CEACAM21: variants seen among roughly 807,000 people sequenced by gnomAD.
CEACAM21 encodes CEA cell adhesion molecule 21, also known as cell adhesion molecule CEACAM21.
A neutral mutation model predicts 33.2 loss-of-function variants in CEACAM21; 38 were observed. That is an observed-to-expected ratio of 1.14 (90% confidence interval 0.88 to 1.50). The LOEUF (loss-of-function observed/expected upper bound fraction) is 1.50, where lower values mean the gene tolerates loss of function less well. Among genes scored for constraint, CEACAM21 ranks in the 40% most tolerant of loss-of-function variants. The pLI, the probability that CEACAM21 is intolerant of heterozygous loss-of-function variation, is 0.00. For synonymous variants in CEACAM21, 156 were observed against 143.0 expected, an observed-to-expected ratio of 1.09 and a Z score of -0.65; for missense variants, 385 against 364.6, an observed-to-expected ratio of 1.06 and a Z score of -0.46.
rs185727425 is a variant in CEACAM21, at chr19:41,585,689, C to T, written c.851-151C>T. The stretch of plus-strand genomic sequence containing the variant: ...CCGGGCTCTGGGTCATGGGTCACTT[C>T]CTCAACCTCACTTGCTTACTTGACC... On this transcript the variant is annotated intron_variant, in intron 5 of 6. Coordinates refer to ENST00000401445, the MANE Select transcript of CEACAM21 (RefSeq NM_001098506.4). 1,764 of 1,009,290 alleles carry T rather than the reference C, an allele frequency of 1.7e-3. 8 individuals are homozygous for T. Among genetic ancestry groups the T allele is most frequent in the African/African-American group, 9.5e-3 (589 of 62,228 alleles). The allele number at this position is 1,009,290 out of a possible 1,614,324, so 62.5% of individuals were successfully genotyped here. A position where few individuals can be genotyped will look rare whatever the true frequency, so the allele number is the denominator to read the frequency against.
chr19:41,555,962 G>T (rs2041499366), intron 1 of CEACAM21, among the ~76,000 whole-genome samples: 1 of 152,172 alleles, frequency 6.6e-6, no homozygotes, highest in Non-Finnish European at 1.5e-5. Flanking sequence ...ACAAAGTAAT[G>T]CCTGGTACTC....
At chr19:41,554,697 A>G (rs545530163) in intron 1 of CEACAM21, among the ~76,000 whole-genome samples, 1 of 152,188 alleles carries the variant, frequency 6.6e-6, no homozygotes, top group African/African-American at 2.4e-5. Flanking sequence ...ACCATAAGGT[A>G]ACATTTTTAT....
chr19:41,555,897 C>T (rs2041495889), intron 1 of CEACAM21, among the ~76,000 whole-genome samples: 2 of 152,342 alleles, frequency 1.3e-5, no homozygotes, highest in Admixed American at 6.5e-5. Context: ...CAAACTGCAG[C>T]CCTCACCAGT....
chr19:41,572,784 A>C (rs1555789832), upstream of CEACAM21, among the ~76,000 whole-genome samples: 1 of 152,116 alleles, frequency 6.6e-6, no homozygotes, highest in East Asian at 1.9e-4. Context: ...GAAACCAGCA[A>C]ATTCCCACAC....
chr19:41,571,107 C>T (rs1274140026), intron 2 of CEACAM21, among the ~76,000 whole-genome samples: 9 of 152,092 alleles, frequency 5.9e-5, no homozygotes, highest in African/African-American at 1.9e-4. Context: ...GGACTCCCTC[C>T]CCCAGCTCTG....
upstream of CEACAM21, among the ~76,000 whole-genome samples, chr19:41,572,546 CT>C (rs1326775177): frequency 1.3e-5 from 2 of 152,160 alleles, no homozygotes; most frequent in Admixed American, 1.3e-4. Flanking sequence ...CACTTACCTT[CT>C]GCTCTCTCGC....
chr19:41,579,271 A>G, intron 2 of CEACAM21, 82 bp from the exon 3 acceptor site: 1 of 1,610,878 alleles, frequency 6.2e-7, no homozygotes, highest in Non-Finnish European at 8.5e-7. Context: ...TATTCACAGG[A>G]GAATGTTCTA....
chr19:41,559,987 C>T (rs1555786429), intron 1 of CEACAM21, among the ~76,000 whole-genome samples: 1 of 151,638 alleles, frequency 6.6e-6, no homozygotes, highest in South Asian at 2.1e-4. Flanking sequence ...GAGAGACTTC[C>T]TCTCAAAAAC....
At chr19:41,562,284 A>AG (rs1400793209) in intron 1 of CEACAM21, among the ~76,000 whole-genome samples, 1 of 151,912 alleles carries the variant, frequency 6.6e-6, no homozygotes, top group Non-Finnish European at 1.5e-5. Flanking sequence ...GAAAGAAAAA[A>AG]CACTATAAAG....
At chr19:41,579,304 G>A in intron 2 of CEACAM21, 49 bp from the exon 3 acceptor site, 2 of 1,613,696 alleles carry the variant, frequency 1.2e-6, no homozygotes, top group Admixed American at 1.7e-5. Flanking sequence ...AGATCTCTGA[G>A]GATGCAGCAT....
At chr19:41,551,315 A>G (rs561170788) in intron 1 of CEACAM21, 1 of 152,146 alleles carries the variant, frequency 6.6e-6, no homozygotes. Context: ...ACACACCACA[A>G]TGCCCAGTGA....
At chr19:41,569,446 G>A (rs2042462728) in intron 2 of CEACAM21, among the ~76,000 whole-genome samples, 1 of 152,010 alleles carries the variant, frequency 6.6e-6, no homozygotes, top group Non-Finnish European at 1.5e-5. Context: ...TGAACCCCTG[G>A]GCTCAAGCAG....
intron 2 of CEACAM21, among the ~76,000 whole-genome samples, chr19:41,568,284 T>C (rs1383051978): frequency 6.6e-6 from 1 of 152,164 alleles, no homozygotes; most frequent in Non-Finnish European, 1.5e-5. Context: ...GCTTTTTAGT[T>C]TGATGAAATC....
intron 2 of CEACAM21, among the ~76,000 whole-genome samples, chr19:41,570,906 TGTAAGGAGGCGG>T (rs2042565469): frequency 6.6e-6 from 1 of 151,252 alleles, no homozygotes; most frequent in Admixed American, 6.6e-5. Flanking sequence ...GGGACTGAGG[TGTAAGGAGGCGG>T]GTGAAGTGGG....
At chr19:41,574,287 G>A (rs1189670019), upstream of CEACAM21, among the ~76,000 whole-genome samples, 1 of 152,160 alleles carries the variant, frequency 6.6e-6, no homozygotes, top group Non-Finnish European at 1.5e-5. Flanking sequence ...CTTGGATTGG[G>A]CAATGGTTTC....
At chr19:41,580,846 T>C (rs1354466143) in intron 3 of CEACAM21, among the ~76,000 whole-genome samples, 1 of 152,174 alleles carries the variant, frequency 6.6e-6, no homozygotes, top group Non-Finnish European at 1.5e-5. Flanking sequence ...AAACTCCAGG[T>C]CCCTCCCCAG....
At chr19:41,584,897 T>C (rs935040256) in intron 4 of CEACAM21, among the ~76,000 whole-genome samples, 1 of 152,172 alleles carries the variant, frequency 6.6e-6, no homozygotes, top group East Asian at 1.9e-4. Context: ...GACACTGAGC[T>C]GTGAGAAGGG....
intron 3 of CEACAM21, among the ~76,000 whole-genome samples, chr19:41,579,916 G>A (rs551606159): frequency 6.6e-6 from 1 of 152,322 alleles, no homozygotes; most frequent in South Asian, 2.1e-4. Context: ...TATTTATTCA[G>A]AGATTAATGC....
chr19:41,580,279 A>G (rs542929113), intron 3 of CEACAM21, among the ~76,000 whole-genome samples: 2 of 151,796 alleles, frequency 1.3e-5, no homozygotes, highest in Non-Finnish European at 2.9e-5. Context: ...AACAATCATC[A>G]ACACAGACAC....
Sources: gnomAD v4.1 joint callset for allele counts (sites outside exome capture counted in the v4.1 genomes callset) on GRCh38, gnomAD v4.1.1 for gene constraint, MANE v1.5 for transcripts, NCBI Gene and HGNC (gene_info 2026-07-23, HGNC 2026-07-21) for gene names.